The following GTPBP10 variants were observed in gnomAD, a reference collection of about 807,000 sequenced individuals.
GTPBP10 encodes the protein GTP binding protein 10, also known as GTP-binding protein 10.
In GTPBP10, 38 loss-of-function variants were observed where a neutral mutation model predicts 44.8. The observed-to-expected ratio is 0.85, with a 90% CI of 0.65 to 1.11. GTPBP10 has a LOEUF of 1.11. Among genes scored for constraint, GTPBP10 ranks in the 50% most tolerant of loss-of-function variants. GTPBP10 has a pLI of 0.00. For missense variants in GTPBP10, 462 were observed against 453.7 expected (o/e 1.02, Z -0.17); for synonymous variants, 152 against 150.6 (o/e 1.01, Z -0.07).
rs189942280 is a variant in GTPBP10, at chr7:90,368,729, G to T, written c.465-3426G>T. Among the ~76,000 whole-genome samples, 441 of 152,252 alleles carry T rather than the reference G, an allele frequency of 2.9e-3. 3 individuals are homozygous for T. Among genetic ancestry groups the T allele is most frequent in the African/African-American group, 0.01 (419 of 41,556 alleles). ...GAAGGTTTTTAGCTTCTTTGCAATG[G>T]ATTAGAACATTCTCCTTAGCTCAGT... On this transcript the variant is annotated intron_variant, in intron 4 of 9. Coordinates refer to ENST00000222511, the MANE Select transcript of GTPBP10 (RefSeq NM_033107.4).
At chr7:90,377,976 AAC>A (rs1796370888) in intron 7 of GTPBP10, 156 bp from the exon 8 acceptor site, 1 of 645,832 alleles carries the variant, frequency 1.5e-6, no homozygotes, top group South Asian at 6.9e-5. Context: ...AAGTTATCTT[AAC>A]ACCTCGATTT....
chr7:90,352,793 A>G, intron 1 of GTPBP10, 23 bp from the exon 2 acceptor site: 2 of 1,549,574 alleles, frequency 1.3e-6, no homozygotes, highest in Non-Finnish European at 1.8e-6. Context: ...GTATACAAAT[A>G]TTCTTTCTCT....
chr7:90,361,772 G>A (rs780752799), intron 4 of GTPBP10, among the ~76,000 whole-genome samples: 23 of 152,124 alleles, frequency 1.5e-4, no homozygotes, highest in Non-Finnish European at 2.9e-4. Flanking sequence ...GACTTTTTTT[G>A]GTTGGTAGGC....
rs544580566 is a variant in GTPBP10 at position 90,354,386 on chromosome 7, T to C, written c.228-72T>C. 6.3e-6 allele frequency: 4 copies of C among 631,856 alleles called. No individual in the cohort carries two copies. The African/African-American group carries it at 7.6e-5, about 12-fold the overall frequency. 39.1% of individuals were successfully genotyped at this position (631,856 alleles called of 1,614,324 possible). On this transcript the variant is annotated intron_variant, in intron 2 of 9. Transcript: ENST00000222511. ...GATTGCTACTCTTCTTTGTAAACCA[T>C]TTTGTGTGTATGTGTGTGTGTGTAT...
chr7:90,374,388 A>G, intron 6 of GTPBP10, 34 bp downstream of exon 6: 1 of 1,364,024 alleles, frequency 7.3e-7, no homozygotes, highest in East Asian at 2.3e-5. Flanking sequence ...CTATATTAGA[A>G]GTCAAAAGTA....
At chr7:90,348,875 AT>A (rs1795735094) in intron 1 of GTPBP10, among the ~76,000 whole-genome samples, 1 of 152,134 alleles carries the variant, frequency 6.6e-6, no homozygotes. Flanking sequence ...CTGCCAGATT[AT>A]CTAATGTTCG....
rs1040691610 is a variant in GTPBP10 at position 90,356,698 on chromosome 7, G to T, written c.464+1468G>T. ...TTTTTTGCTTTTCACCACGTCATTT[G>T]TTTTCTCATCTTTAATAGTGTATGG... On this transcript the variant is annotated intron_variant, in intron 4 of 9. Transcript: ENST00000222511. Among the ~76,000 whole-genome samples the T allele has an allele frequency of 1.9e-4, 29 of 151,410 alleles. 1 individual carries two copies. Among genetic ancestry groups the T allele is most frequent in the African/African-American group, 6.3e-4 (26 of 41,218 alleles).
Position 90,386,013 on chromosome 7 carries a change from G to T in GTPBP10, c.*859G>T, listed in dbSNP as rs1796518643. On this transcript the variant is annotated 3_prime_UTR_variant, in exon 10 of 10. Coordinates refer to ENST00000222511, the MANE Select transcript of GTPBP10 (RefSeq NM_033107.4). ...AGGTGGAGGATACAATGAACCCGAGGTCGCGCCACTGCACTTCAGCCTGGG... is the reference window on the plus strand; with the variant it reads ...AGGTGGAGGATACAATGAACCCGAGTTCGCGCCACTGCACTTCAGCCTGGG... 1 of 151,666 alleles carries T rather than the reference G, an allele frequency of 6.6e-6. No homozygotes were observed. Among genetic ancestry groups the T allele is most frequent in the African/African-American group, 2.4e-5 (1 of 41,264 alleles). The allele number at this position is 151,666 out of a possible 1,614,324, so 9.4% of individuals were successfully genotyped here. A position where few individuals can be genotyped will look rare whatever the true frequency, so the allele number is the denominator to read the frequency against.
intron 6 of GTPBP10, among the ~76,000 whole-genome samples, chr7:90,377,171 C>G (rs1240567128): frequency 6.6e-6 from 1 of 152,114 alleles, no homozygotes; most frequent in Non-Finnish European, 1.5e-5. Context: ...CTACAGTGAT[C>G]TATGGTCACA....
chr7:90,374,588 C>G (rs1413947170), intron 6 of GTPBP10, among the ~76,000 whole-genome samples: 1 of 152,134 alleles, frequency 6.6e-6, no homozygotes, highest in Non-Finnish European at 1.5e-5. Flanking sequence ...ATGTCTTCTT[C>G]TTAGCCTTAG....
chr7:90,359,416 T>G (rs1397757464), intron 4 of GTPBP10, among the ~76,000 whole-genome samples: 1 of 152,174 alleles, frequency 6.6e-6, no homozygotes, highest in African/African-American at 2.4e-5. Flanking sequence ...CTTATGGTAG[T>G]TTGCTGAGAA....
chr7:90,374,135 G>GC (rs1267397134), intron 5 of GTPBP10, among the ~76,000 whole-genome samples, 167 bp from the exon 6 acceptor site: 1 of 152,134 alleles, frequency 6.6e-6, no homozygotes, highest in Admixed American at 6.5e-5. Context: ...ACAACATTTG[G>GC]CCCTCCAAGT....
intron 4 of GTPBP10, among the ~76,000 whole-genome samples, chr7:90,365,368 CTTTTTTTTT>C (rs59645149): frequency 1.2e-3 from 105 of 90,368 alleles, no homozygotes; most frequent in African/African-American, 4.3e-3. Context: ...TTGGGGTTTT[CTTTTTTTTT>C]TTTTTTTTTT....
chr7:90,374,777 A>G (rs1472104083), intron 6 of GTPBP10, among the ~76,000 whole-genome samples: 1 of 152,140 alleles, frequency 6.6e-6, no homozygotes, highest in Admixed American at 6.5e-5. Flanking sequence ...TTTTTCCTTC[A>G]CAAGTAACAA....
Position 90,390,339 on chromosome 7 carries a change from C to T in GTPBP10, c.*5185C>T, listed in dbSNP as rs944008383. On this transcript the variant is annotated 3_prime_UTR_variant, in exon 10 of 10. Coordinates refer to ENST00000222511, the MANE Select transcript of GTPBP10 (RefSeq NM_033107.4). ...CTTGGCTTTTGTAAGCATGAAAAAG[C>T]CAGGGACAATTTCAACTACCATTTC... is the stretch of plus-strand genomic sequence containing the variant. The T allele has an allele frequency of 6.6e-6, 1 of 152,122 alleles. No homozygotes were observed. Among genetic ancestry groups the T allele is most frequent in the Non-Finnish European group, 1.5e-5 (1 of 68,026 alleles). The allele number at this position is 152,122 out of a possible 1,614,324, so 9.4% of individuals were successfully genotyped here. A position where few individuals can be genotyped will look rare whatever the true frequency, so the allele number is the denominator to read the frequency against.
rs1752461606 is a variant in GTPBP10, at chr7:90,389,509, C to G, written c.*4355C>G. On this transcript the variant is annotated 3_prime_UTR_variant, in exon 10 of 10. Transcript: ENST00000222511. ...TCAAGCAATTCTCCTGCCTCAGCCT[C>G]CCGAGTAGCTGGGATTACAGGCATC... The G allele has an allele frequency of 6.6e-6, 1 of 152,092 alleles. No individual in the cohort carries two copies. Among genetic ancestry groups the G allele is most frequent in the African/African-American group, 2.4e-5 (1 of 41,388 alleles). 9.4% of individuals were successfully genotyped at this position (152,092 alleles called of 1,614,324 possible). A position where few individuals can be genotyped will look rare whatever the true frequency, so the allele number is the denominator to read the frequency against.
rs534425507 is a variant in GTPBP10, at chr7:90,382,595, A to C, written c.778-361A>C. ...GTTATATCTAAGAAACAGTTGTTTA[A>C]TCCAAGGTAACAAAGATTTATTCCT... On this transcript the variant is annotated intron_variant, in intron 8 of 9. Coordinates refer to ENST00000222511, the MANE Select transcript of GTPBP10 (RefSeq NM_033107.4). Among the ~76,000 whole-genome samples the C allele has an allele frequency of 2.6e-5, 4 of 152,308 alleles. No homozygotes were observed. The East Asian group carries it at 7.7e-4, about 29-fold the overall frequency.
chr7:90,382,562 C>G (rs567095059), intron 8 of GTPBP10, among the ~76,000 whole-genome samples: 5 of 152,154 alleles, frequency 3.3e-5, no homozygotes, highest in Admixed American at 2.6e-4. Flanking sequence ...TTTACTTGTG[C>G]TTTTCATGTT....
intron 4 of GTPBP10, among the ~76,000 whole-genome samples, chr7:90,359,712 G>A (rs191808709): frequency 6.6e-5 from 10 of 152,250 alleles, no homozygotes; most frequent in African/African-American, 2.4e-4. Context: ...TTGAGGAATC[G>A]CCACGCTGTC....
Sources: gnomAD v4.1 joint callset for allele counts (sites outside exome capture counted in the v4.1 genomes callset) on GRCh38, gnomAD v4.1.1 for gene constraint, MANE v1.5 for transcripts, NCBI Gene and HGNC (gene_info 2026-07-23, HGNC 2026-07-21) for gene names.